The following MIEF2 variants were observed in gnomAD, a reference collection of about 807,000 sequenced individuals.
MIEF2 encodes the protein mitochondrial dynamics protein MID49.
A neutral mutation model predicts 7.4 loss-of-function variants in MIEF2; 1 was observed. The ratio of observed to expected loss-of-function variants is 0.14; its 90% CI spans 0.05 to 0.64. MIEF2 has a LOEUF of 0.64. Ranked by LOEUF, MIEF2 falls within the 30% of genes least tolerant of loss-of-function variation. The pLI, the probability that MIEF2 is intolerant of heterozygous loss-of-function variation, is 0.85. For missense variants in MIEF2, 569 were observed against 623.9 expected (o/e 0.91, Z 0.94); for synonymous variants, 275 against 290.5 (o/e 0.95, Z 0.54).
rs1216626603 is a variant in MIEF2 at position 18,263,747 on chromosome 17, G to A, written c.348G>A (p.Gln116=). 6.2e-7 allele frequency: 1 copy of A among 1,600,092 alleles called. No homozygotes were observed. Among genetic ancestry groups the A allele is most frequent in the African/African-American group, 1.3e-5 (1 of 74,852 alleles). Residue 116 remains glutamine, a synonymous_variant, in exon 4 of 4, where the codon CAG becomes CAA. Coordinates refer to ENST00000323019, the MANE Select transcript of MIEF2 (RefSeq NM_139162.4). The stretch of plus-strand genomic sequence containing the variant: ...AAACTGATCCTGAGGTGACACCACA[G>A]CTCAGCTCCCCAGCACCGCTGTGTC... ...PAETDPEVTP[Q]LSSPAPLCLT...
Position 18,263,942 on chromosome 17 carries a change from G to A in MIEF2, c.543G>A (p.Pro181=), listed in dbSNP as rs148830249. 4.3e-5 allele frequency: 68 copies of A among 1,591,286 alleles called. No individual in the cohort carries two copies. In the African/African-American group the frequency reaches 4.5e-4, roughly 11 times the overall value. The change falls in exon 4 of 4, where the codon CCG becomes CCA. Residue 181 remains proline (P), a synonymous_variant. Transcript: ENST00000323019. The part of the protein sequence containing the change: ...LPFGAFVPGG[P]LYDGLQAGAA... ...TTGGGGCATTCGTGCCTGGGGGGCC[G>A]CTCTACGACGGGCTGCAGGCGGGGG...
chr17:18,264,744 G>A lies in MIEF2; in HGVS notation c.1345G>A (p.Glu449Lys). The A allele has an allele frequency of 6.2e-7, 1 of 1,608,030 alleles. No individual in the cohort carries two copies. The highest frequency in any genetic ancestry group is 8.5e-7 in the Non-Finnish European group (1 of 1,176,186). Residue 449 changes from glutamate (E) to lysine (K), a missense_variant, in exon 4 of 4, where the codon GAG becomes AAG. Physicochemically the swap from Glu to Lys is moderately conservative, Grantham distance 56 (BLOSUM62 1). Coordinates refer to ENST00000323019, the MANE Select transcript of MIEF2 (RefSeq NM_139162.4). Reference protein sequence around the residue: ...IGYALYSGLQEPEGLL With the variant: ...IGYALYSGLQKPEGLL The stretch of plus-strand genomic sequence containing the variant: ...CTATGCGCTATACAGTGGCCTACAG[G>A]AGCCCGAGGGGCTGCTCTAGGTGGG...
intron 2 of MIEF2, 63 bp from the exon 3 acceptor site, chr17:18,263,023 C>A: frequency 1.3e-6 from 2 of 1,586,440 alleles, no homozygotes; most frequent in South Asian, 1.1e-5. Context: ...GTCTGCTTTG[C>A]CCTGGGCTTT....
chr17:18,263,999 G>A lies in MIEF2; in HGVS notation c.600G>A (p.Leu200=). 1.9e-6 allele frequency: 3 copies of A among 1,567,716 alleles called. No individual in the cohort carries two copies. Among genetic ancestry groups the A allele is most frequent in the South Asian group, 1.2e-5 (1 of 86,310 alleles). ...ACCATGTGCGTCTCCTGGTGCCACT[G>A]GTGCTGGAGCCGGGCCTGTGGAGCC... ...AADHVRLLVP[L]VLEPGLWSLV... Residue 200 remains leucine, a synonymous_variant, in exon 4 of 4, where the codon CTG becomes CTA. Coordinates refer to ENST00000323019, the MANE Select transcript of MIEF2 (RefSeq NM_139162.4).
At chr17:18,260,875 A>C in intron 1 of MIEF2, 138 bp downstream of exon 1, 1 of 541,314 alleles carries the variant, frequency 1.8e-6, no homozygotes, top group Non-Finnish European at 3.3e-6. Context: ...GACCAAGGGC[A>C]GCGTTCGAAT....
chr17:18,264,488 C>T lies in MIEF2; in HGVS notation c.1089C>T (p.Val363=), dbSNP rs769704206. The change falls in exon 4 of 4, where the codon GTC becomes GTT. Residue 363 remains valine (V), a synonymous_variant. Coordinates refer to ENST00000323019, the MANE Select transcript of MIEF2 (RefSeq NM_139162.4). The stretch of plus-strand genomic sequence containing the variant: ...GGCTGCTGCTGCTGCTGTGTGCTGT[C>T]TGCCGTGGTTGCTCGGCTCTGGGGC... ...RRRLLLLLCA[V]CRGCSALGQL... 7.5e-6 allele frequency: 12 copies of T among 1,606,662 alleles called. No homozygotes were observed. Among genetic ancestry groups the T allele is most frequent in the South Asian group, 1.1e-5 (1 of 91,078 alleles).
rs758414482 is a variant in MIEF2, at chr17:18,262,811, G to C, written c.91G>C (p.Val31Leu). 1 of 1,573,038 alleles carries C rather than the reference G, an allele frequency of 6.4e-7. No homozygotes were observed. Among genetic ancestry groups the C allele is most frequent in the Admixed American group, 1.9e-5 (1 of 53,878 alleles). The stretch of plus-strand genomic sequence containing the variant: ...CTTCCTCCTGGCCAATGCCCGCCTG[G>C]TGCTGGGCGTGGGCGGGGCTGCTGT... ...VDFLLANARL[V>L]LGVGGAAVLG... Residue 31 changes from valine (V) to leucine (L), a missense_variant, in exon 2 of 4, where the codon GTG (valine) becomes CTG (leucine). Coordinates refer to ENST00000323019, the MANE Select transcript of MIEF2 (RefSeq NM_139162.4).
rs745667821 is a variant in MIEF2, at chr17:18,264,728, A to G, written c.1329A>G (p.Leu443=). Residue 443 remains leucine (L), a synonymous_variant, in exon 4 of 4, where the codon CTA becomes CTG. Transcript: ENST00000323019. Reference sequence around the variant, plus strand: ...AGATTGACGACATTGGCTATGCGCTATACAGTGGCCTACAGGAGCCCGAGG... The same window carrying G: ...AGATTGACGACATTGGCTATGCGCTGTACAGTGGCCTACAGGAGCCCGAGG... ...EEEIDDIGYA[L]YSGLQEPEGL... The G allele has an allele frequency of 1.9e-6, 3 of 1,611,902 alleles. No homozygotes were observed. Among genetic ancestry groups the G allele is most frequent in the South Asian group, 1.1e-5 (1 of 91,062 alleles).
Position 18,264,134 on chromosome 17 carries a change from C to T in MIEF2, c.735C>T (p.Val245=), listed in dbSNP as rs760972949. 100 of 1,558,048 alleles carry T rather than the reference C, an allele frequency of 6.4e-5. No individual in the cohort carries two copies. Among genetic ancestry groups the T allele is most frequent in the Non-Finnish European group, 8.0e-5 (92 of 1,157,088 alleles). Residue 245 remains valine (V), a synonymous_variant, in exon 4 of 4, where the codon GTC becomes GTT. Transcript: ENST00000323019. ...GCAGCCCCTGGGACCGCTTCCTGGT[C>T]GGGGGCTACCTCTCCTCCCGCGTCC... ...RGSSPWDRFL[V]GGYLSSRVLL... is the part of the protein sequence containing the mutation.
At chr17:18,261,265 A>G in intron 1 of MIEF2, 1 of 1,388,998 alleles carries the variant, frequency 7.2e-7, no homozygotes, top group Non-Finnish European at 1.0e-6. Context: ...GGAGATTGAA[A>G]CCGGCCCTGG....
In MIEF2 at chr17:18,263,542, C is replaced by T. The variant is rs576616649; in HGVS notation, c.311-168C>T. ...GTTGGACTCTGGGGCAATGAGAACT[C>T]GTCACCAAGAGCTCACTATATGTGA... On this transcript the variant is annotated intron_variant, in intron 3 of 3. Coordinates refer to ENST00000323019, the MANE Select transcript of MIEF2 (RefSeq NM_139162.4). 74 of 995,048 alleles carry T rather than the reference C, an allele frequency of 7.4e-5. No homozygotes were observed. The African/African-American group carries it at 8.8e-4, about 12-fold the overall frequency. 61.6% of individuals were successfully genotyped at this position (995,048 alleles called of 1,614,324 possible).
At position 18,264,724 on chromosome 17, in the gene MIEF2, C is replaced by T. The variant is rs757255286; in HGVS notation, c.1325C>T (p.Ala442Val). 6 of 1,612,366 alleles carry T rather than the reference C, an allele frequency of 3.7e-6. No homozygotes were observed. The highest frequency in any genetic ancestry group is 4.5e-5 in the East Asian group (2 of 44,874). Residue 442 changes from alanine (A) to valine (V), a missense_variant, in exon 4 of 4, where the codon GCG becomes GTG. Transcript: ENST00000323019. The stretch of plus-strand genomic sequence containing the variant: ...GAGGAGATTGACGACATTGGCTATG[C>T]GCTATACAGTGGCCTACAGGAGCCC... ...REEEIDDIGYALYSGLQEPEG... is the reference protein window; with the variant it reads ...REEEIDDIGYVLYSGLQEPEG...
Position 18,264,583 on chromosome 17 carries a change from A to C in MIEF2, c.1184A>C (p.Glu395Ala), listed in dbSNP as rs150298204. 1.0e-4 allele frequency: 161 copies of C among 1,610,860 alleles called. No individual in the cohort carries two copies. The highest frequency in any genetic ancestry group is 8.0e-4 in the East Asian group (36 of 44,858). ...LGEDNVDWTE[E>A]ALGERFLQAL... ...GAGGACAACGTGGATTGGACGGAGG[A>C]GGCCTTGGGTGAGCGCTTCCTGCAA... Residue 395 changes from glutamate (E) to alanine (A), a missense_variant, in exon 4 of 4, where the codon GAG (glutamate) becomes GCG (alanine). Physicochemically the swap from Glu to Ala is moderately radical, Grantham distance 107. Transcript: ENST00000323019.
In MIEF2 at chr17:18,262,763, G is replaced by A. The variant is rs1253696927; in HGVS notation, c.43G>A (p.Glu15Lys). ...SQKRGKRRSD[E>K]GLGSMVDFLL... ...GAAACGGGGGAAGCGGCGTAGCGAC[G>A]AAGGGCTGGGCAGCATGGTGGACTT... Residue 15 changes from glutamate to lysine, a missense_variant, in exon 2 of 4, where the codon GAA (glutamate) becomes AAA (lysine). Glu to Lys is a moderately conservative substitution (Grantham distance 56, BLOSUM62 1). Coordinates refer to ENST00000323019, the MANE Select transcript of MIEF2 (RefSeq NM_139162.4). 34 of 1,607,426 alleles carry A rather than the reference G, an allele frequency of 2.1e-5. No homozygotes were observed. Among genetic ancestry groups the A allele is most frequent in the African/African-American group, 5.3e-5 (4 of 74,858 alleles).
chr17:18,263,776 C>T lies in MIEF2; in HGVS notation c.377C>T (p.Thr126Ile). ...AGCTCCCCAGCACCGCTGTGTCTGA[C>T]ACTGCAGGAGAGGCTGCTGGCCTTC... ...QLSSPAPLCLTLQERLLAFER... is the reference protein window; with the variant it reads ...QLSSPAPLCLILQERLLAFER... The change falls in exon 4 of 4, where the codon ACA becomes ATA. Residue 126 changes from threonine (T) to isoleucine (I), a missense_variant. By Grantham distance (89) the Thr-to-Ile change is moderately conservative. Coordinates refer to ENST00000323019, the MANE Select transcript of MIEF2 (RefSeq NM_139162.4). The T allele has an allele frequency of 6.2e-7, 1 of 1,610,412 alleles. No homozygotes were observed.
At chr17:18,261,280 G>GGTT in intron 1 of MIEF2, 2 of 1,261,204 alleles carry the variant, frequency 1.6e-6, no homozygotes, top group Non-Finnish European at 2.2e-6. Context: ...CCCTGGGGCC[G>GGTT]TGGCGGGTCA....
intron 1 of MIEF2, chr17:18,261,026 G>C: frequency 2.2e-6 from 3 of 1,390,820 alleles, no homozygotes; most frequent in Non-Finnish European, 3.0e-6. Flanking sequence ...AGGCCAAACG[G>C]CCTCCAGGGC....
chr17:18,262,572 G>A (rs567895603), intron 1 of MIEF2, 142 bp from the exon 2 acceptor site: 1 of 760,766 alleles, frequency 1.3e-6, no homozygotes, highest in East Asian at 3.1e-5. Context: ...CCCTTTCTCT[G>A]AGAAATTCTC....
In MIEF2 at chr17:18,262,720, C is replaced by T. The variant is rs753183778; in HGVS notation, c.-1C>T. The T allele has an allele frequency of 3.1e-6, 5 of 1,605,678 alleles. No homozygotes were observed. Among genetic ancestry groups the T allele is most frequent in the Non-Finnish European group, 4.3e-6 (5 of 1,175,624 alleles). On this transcript the variant is annotated 5_prime_UTR_variant, in exon 2 of 4. Coordinates refer to ENST00000323019, the MANE Select transcript of MIEF2 (RefSeq NM_139162.4). The stretch of plus-strand genomic sequence containing the variant: ...ACCCCTGGCTCTCTTACAGGCAGAC[C>T]ATGGCAGAGTTCTCCCAGAAACGGG...
Sources: gnomAD v4.1 joint callset for allele counts on GRCh38, gnomAD v4.1.1 for gene constraint, MANE v1.5 for transcripts, NCBI Gene and HGNC (gene_info 2026-07-23, HGNC 2026-07-21) for gene names.